The following TUBD1 variants were observed in gnomAD, a reference collection of about 807,000 sequenced individuals.
TUBD1 encodes the protein tubulin delta chain.
In TUBD1, 38 loss-of-function variants were observed where a neutral mutation model predicts 51.2. The observed-to-expected ratio is 0.74, with a 90% CI of 0.57 to 0.97. The LOEUF (loss-of-function observed/expected upper bound fraction) is 0.97. TUBD1 is among the 50% of genes least tolerant of loss of function. The pLI is 0.00. For missense variants in TUBD1, 489 were observed against 538.4 expected, an observed-to-expected ratio of 0.91 and a Z score of 0.91; for synonymous variants, 169 against 178.2, an observed-to-expected ratio of 0.95 and a Z score of 0.41.
At position 59,860,255 on chromosome 17, in the gene TUBD1, AG is replaced by A; in HGVS notation, c.*66del. The A allele has an allele frequency of 2.6e-6, 3 of 1,148,014 alleles. No individual in the cohort carries two copies. In the South Asian group the frequency reaches 4.0e-5, roughly 15 times the overall value. 71.1% of individuals were successfully genotyped at this position (1,148,014 alleles called of 1,614,324 possible). On this transcript the variant is annotated 3_prime_UTR_variant, in exon 9 of 9. Coordinates refer to ENST00000325752, the MANE Select transcript of TUBD1 (RefSeq NM_016261.4). ...ATGGAGAACTTTGAAAACTTTACAG[AG>A]AAAATAGTATTGAAAATATTTTAGT...
chr17:59,885,261 G>T, intron 3 of TUBD1: 1 of 555,514 alleles, frequency 1.8e-6, no homozygotes. Flanking sequence ...TGCATGAGAG[G>T]GATCCATGGT....
intron 5 of TUBD1, among the ~76,000 whole-genome samples, chr17:59,877,300 A>C (rs1048696294): frequency 2.8e-4 from 43 of 152,224 alleles, no homozygotes; most frequent in Non-Finnish European, 4.7e-4. Flanking sequence ...ACAACTACGG[A>C]AAGTCATGCC....
intron 2 of TUBD1, among the ~76,000 whole-genome samples, chr17:59,887,147 T>C (rs1161205717): frequency 6.6e-6 from 1 of 151,622 alleles, no homozygotes; most frequent in Non-Finnish European, 1.5e-5. Context: ...GATTGAGCCA[T>C]TGCACTCCAG....
At chr17:59,886,289 T>C (rs1307725478) in intron 2 of TUBD1, 59 bp from the exon 3 acceptor site, 3 of 1,529,690 alleles carry the variant, frequency 2.0e-6, no homozygotes, top group Non-Finnish European at 2.6e-6. Context: ...TATGTCTTAT[T>C]TGGGTAACTC....
At chr17:59,884,238 G>A (rs1227478715) in intron 3 of TUBD1, among the ~76,000 whole-genome samples, 2 of 150,298 alleles carry the variant, frequency 1.3e-5, no homozygotes, top group East Asian at 2.0e-4. Context: ...TCCAACCTGG[G>A]CAACAGAGCA....
chr17:59,871,019 A>G (rs555077474), intron 6 of TUBD1, among the ~76,000 whole-genome samples: 1 of 152,336 alleles, frequency 6.6e-6, no homozygotes, highest in South Asian at 2.1e-4. Flanking sequence ...AAGCTTCAAG[A>G]GATAACAAAA....
chr17:59,880,756 C>T lies in TUBD1; in HGVS notation c.537+138G>A, dbSNP rs1465453503. The T allele has an allele frequency of 6.8e-6, 5 of 735,252 alleles. 1 individual carries two copies. Among genetic ancestry groups the T allele is most frequent in the South Asian group, 5.2e-5 (3 of 58,130 alleles). 45.5% of individuals were successfully genotyped at this position (735,252 alleles called of 1,614,324 possible). On this transcript the variant is annotated intron_variant, in intron 4 of 8. Coordinates refer to ENST00000325752, the MANE Select transcript of TUBD1 (RefSeq NM_016261.4). ...GTCTCGATATCCTGACCTCACGATC[C>T]GCCCGCCTTGGCCTCCCAAAGTGCT...
rs753226300 is a variant in TUBD1, at chr17:59,869,343, G to A, written c.935-2594C>T. Among the ~76,000 whole-genome samples the A allele has an allele frequency of 8.9e-4, 135 of 151,790 alleles. 4 individuals carry two copies. Among genetic ancestry groups the A allele is most frequent in the Non-Finnish European group, 3.5e-4 (24 of 67,982 alleles). ...ATACAAAAATTAGACGGGCATGGTG[G>A]TGCGCACCTGTAGTCCCAGCTATTT... On this transcript the variant is annotated intron_variant, in intron 6 of 8. Coordinates refer to ENST00000325752, the MANE Select transcript of TUBD1 (RefSeq NM_016261.4).
At chr17:59,891,281 C>T (rs965884820) in intron 1 of TUBD1, among the ~76,000 whole-genome samples, 1 of 152,058 alleles carries the variant, frequency 6.6e-6, no homozygotes, top group African/African-American at 2.4e-5. Flanking sequence ...CAGGCACGTG[C>T]CACCACGCCT....
intron 3 of TUBD1, chr17:59,885,259 A>C: frequency 1.8e-6 from 1 of 552,944 alleles, no homozygotes; most frequent in East Asian, 3.8e-5. Flanking sequence ...CCTGCATGAG[A>C]GGGATCCATG....
chr17:59,879,268 C>A (rs371354572), intron 4 of TUBD1, among the ~76,000 whole-genome samples: 622 of 128,240 alleles, frequency 4.9e-3, no homozygotes, highest in South Asian at 5.8e-3. Context: ...AACTCTGTCT[C>A]AAAAAAAAAA....
At position 59,861,865 on chromosome 17, in the gene TUBD1, A is replaced by T. The variant is rs1373855263; in HGVS notation, c.1260-1441T>A. On this transcript the variant is annotated intron_variant, in intron 8 of 8. Transcript: ENST00000325752. The stretch of plus-strand genomic sequence containing the variant: ...GTGTTTTTAGTAGAGACGGGGTTTC[A>T]CCATGTTGGCCAGGCTGGTCTCAAA... Among the ~76,000 whole-genome samples the T allele has an allele frequency of 2.6e-5, 4 of 151,022 alleles. No homozygotes were observed. The East Asian group carries it at 6.0e-4, about 23-fold the overall frequency.
chr17:59,865,109 T>C (rs2039638192), intron 7 of TUBD1, among the ~76,000 whole-genome samples: 1 of 151,138 alleles, frequency 6.6e-6, no homozygotes, highest in East Asian at 2.0e-4. Context: ...CCTCCTGACT[T>C]AGCCTGCCAA....
chr17:59,890,869 G>A lies in TUBD1; in HGVS notation c.134C>T (p.Ser45Phe). 6.2e-7 allele frequency: 1 copy of A among 1,613,444 alleles called. No homozygotes were observed. The highest frequency in any genetic ancestry group is 1.1e-5 in the South Asian group (1 of 90,956). ...CTCACTGAAGAATCTTTCTTTGCAA[G>A]ATGCTTGATATGCCTCATTCTCTCT... ...SMRENEAYQA[S>F]CKERFFSEEE... The change falls in exon 2 of 9, where the codon TCT becomes TTT. Residue 45 changes from serine (S) to phenylalanine (F), a missense_variant. Physicochemically the swap from Ser to Phe is radical, Grantham distance 155. Transcript: ENST00000325752.
intron 7 of TUBD1, 74 bp downstream of exon 7, chr17:59,866,535 T>C (rs1323881465): frequency 3.2e-6 from 5 of 1,549,828 alleles, no homozygotes; most frequent in Non-Finnish European, 4.4e-6. Flanking sequence ...ACAGGGACTT[T>C]TTAAAAACCA....
intron 1 of TUBD1, among the ~76,000 whole-genome samples, chr17:59,891,368 ATCCACC>A (rs60391241): frequency 0.56 from 84,173 of 150,980 alleles, 25,482 homozygotes; most frequent in African/African-American, 0.82. Context: ...TGACCTCGTG[ATCCACC>A]TCCACCTACC....
chr17:59,884,848 A>T (rs968087644), intron 3 of TUBD1: 47 of 166,602 alleles, frequency 2.8e-4, no homozygotes, highest in Non-Finnish European at 7.6e-5. Context: ...GCTTGAACCC[A>T]GGAGATGGAG....
At chr17:59,879,996 A>G (rs2040409020) in intron 4 of TUBD1, among the ~76,000 whole-genome samples, 1 of 151,510 alleles carries the variant, frequency 6.6e-6, no homozygotes, top group Admixed American at 6.6e-5. Context: ...CAGGTGATCC[A>G]TCCGCCTCGG....
intron 3 of TUBD1, chr17:59,885,472 C>T (rs2040679767): frequency 6.4e-7 from 1 of 1,573,612 alleles, no homozygotes; most frequent in Admixed American, 1.7e-5. Context: ...GGGACCAAAG[C>T]AGTATCCTTA....
Sources: gnomAD v4.1 joint callset for allele counts (sites outside exome capture counted in the v4.1 genomes callset) on GRCh38, gnomAD v4.1.1 for gene constraint, MANE v1.5 for transcripts, NCBI Gene and HGNC (gene_info 2026-07-23, HGNC 2026-07-21) for gene names.